ELAPOR2: variants seen among roughly 807,000 people sequenced by gnomAD.
The protein encoded by ELAPOR2 is endosome/lysosome-associated apoptosis and autophagy regulator family member 2.
ELAPOR2 carries 89 observed loss-of-function variants against 120.7 expected under a neutral mutation model. The observed-to-expected ratio is 0.74, with a 90% CI of 0.62 to 0.88. The LOEUF is 0.88. Among genes scored for constraint, ELAPOR2 ranks in the 40% least tolerant of loss-of-function variants. The pLI, the probability that ELAPOR2 is intolerant of heterozygous loss-of-function variation, is 0.00. For synonymous variants in ELAPOR2, 444 were observed against 444.9 expected (o/e 1.00, Z 0.03); for missense variants, 1,134 against 1,251.6 (o/e 0.91, Z 1.42).
Position 86,922,519 on chromosome 7 carries a change from C to T in ELAPOR2, c.1399+3009G>A, listed in dbSNP as rs1057328255. Among the ~76,000 whole-genome samples the T allele has an allele frequency of 2.6e-5, 4 of 151,740 alleles. No individual in the cohort carries two copies. The South Asian group carries it at 8.3e-4, about 31-fold the overall frequency. On this transcript the variant is annotated intron_variant, in intron 10 of 21. Transcript: ENST00000450689. ...TGTGATGTTTCTTTTCACTTTCTTT[C>T]AACGCATACATGTTTTTACATCACT... is the stretch of plus-strand genomic sequence containing the variant.
intron 19 of ELAPOR2, among the ~76,000 whole-genome samples, chr7:86,896,257 TC>T (rs1788433033): frequency 6.6e-6 from 1 of 152,110 alleles, no homozygotes; most frequent in South Asian, 2.1e-4. Context: ...TAAAACTTTA[TC>T]TCACTTTTAG....
At chr7:86,978,637 C>T (rs929753467) in intron 1 of ELAPOR2, among the ~76,000 whole-genome samples, 1 of 152,188 alleles carries the variant, frequency 6.6e-6, no homozygotes, top group African/African-American at 2.4e-5. Context: ...GAGGCAAGAA[C>T]TTGATTATCA....
chr7:87,024,197 A>G (rs961746807), intron 1 of ELAPOR2, among the ~76,000 whole-genome samples: 28 of 151,998 alleles, frequency 1.8e-4, no homozygotes, highest in Non-Finnish European at 5.9e-5. Flanking sequence ...ATTGGCTGTG[A>G]GTTTGTCGTA....
In ELAPOR2 at chr7:86,878,567, TGAG is replaced by T. The variant is rs1799257942; in HGVS notation, c.*1901_*1903del. 6.6e-6 allele frequency: 1 copy of T among 152,152 alleles called. No homozygotes were observed. Among genetic ancestry groups the T allele is most frequent in the African/African-American group, 2.4e-5 (1 of 41,458 alleles). 9.4% of individuals were successfully genotyped at this position (152,152 alleles called of 1,614,324 possible). ...CATACATATTGAACACAGTGGAAGA[TGAG>T]GAGAAAGGTGACAGGTGGCTGTGGA... is the stretch of plus-strand genomic sequence containing the variant. On this transcript the variant is annotated 3_prime_UTR_variant, in exon 22 of 22. Transcript: ENST00000450689.
In ELAPOR2 at chr7:86,913,097, C is replaced by G. The variant is rs371845138; in HGVS notation, c.1839G>C (p.Gln613His). ...SCRACALGSE[Q>H]SGSSCVPCPP... ...GGCAGGGGACACACGATGAACCCGA[C>G]TGTTCAGAACCGAGGGCACAGGCAC... Residue 613 changes from glutamine to histidine, a missense_variant, in exon 14 of 22, where the codon CAG (glutamine) becomes CAC (histidine). Physicochemically the swap from Gln to His is conservative, Grantham distance 24. Transcript: ENST00000450689. The G allele has an allele frequency of 1.2e-6, 2 of 1,613,936 alleles. No homozygotes were observed. The highest frequency in any genetic ancestry group is 2.7e-5 in the African/African-American group (2 of 74,912).
chr7:87,026,491 C>G (rs1794249231), intron 1 of ELAPOR2, among the ~76,000 whole-genome samples: 1 of 151,210 alleles, frequency 6.6e-6, no homozygotes, highest in African/African-American at 2.4e-5. Flanking sequence ...CATTCAGTGG[C>G]CATTTTAGGG....
At chr7:87,024,633 G>A (rs1482007402) in intron 1 of ELAPOR2, among the ~76,000 whole-genome samples, 1 of 152,116 alleles carries the variant, frequency 6.6e-6, no homozygotes, top group Non-Finnish European at 1.5e-5. Flanking sequence ...AGTTTCAGAA[G>A]GAATAGTACC....
chr7:86,934,351 T>C (rs1790469668), intron 8 of ELAPOR2, among the ~76,000 whole-genome samples: 1 of 152,066 alleles, frequency 6.6e-6, no homozygotes, highest in African/African-American at 2.4e-5. Flanking sequence ...GAGAATGCCT[T>C]ACTGTATACA....
intron 12 of ELAPOR2, among the ~76,000 whole-genome samples, chr7:86,917,815 A>C (rs1789634920): frequency 6.6e-6 from 1 of 152,186 alleles, no homozygotes; most frequent in Non-Finnish European, 1.5e-5. Flanking sequence ...GGGAAAAAAA[A>C]ACACAAAAAC....
At chr7:86,916,495 A>G (rs970253147) in intron 12 of ELAPOR2, among the ~76,000 whole-genome samples, 3 of 152,222 alleles carry the variant, frequency 2.0e-5, no homozygotes, top group Non-Finnish European at 4.4e-5. Context: ...AGGTTTGGAA[A>G]CAGAGGCTGG....
rs377171435 is a variant in ELAPOR2, at chr7:87,004,644, CT to C, written c.190-39621del. On this transcript the variant is annotated intron_variant, in intron 1 of 21. Coordinates refer to ENST00000450689, the MANE Select transcript of ELAPOR2 (RefSeq NM_001142749.3). ...GATTAGAGATAACAGCCAACCAACA[CT>C]TTTTTTCCTAACACTTACATACTAT... is the stretch of plus-strand genomic sequence containing the variant. Among the ~76,000 whole-genome samples the C allele has an allele frequency of 1.7e-3, 262 of 152,246 alleles. 2 individuals carry two copies. The highest frequency in any genetic ancestry group is 6.1e-3 in the African/African-American group (252 of 41,530).
chr7:86,970,538 A>T (rs1461857018), intron 1 of ELAPOR2, among the ~76,000 whole-genome samples: 8 of 152,182 alleles, frequency 5.3e-5, no homozygotes, highest in Admixed American at 5.2e-4. Context: ...AAAGGGAGAC[A>T]ACAAGAGATT....
At chr7:87,030,832 TTGA>T (rs75341277) in intron 1 of ELAPOR2, among the ~76,000 whole-genome samples, 2 of 152,244 alleles carry the variant, frequency 1.3e-5, no homozygotes, top group East Asian at 3.9e-4. Context: ...CCCCATGGTG[TTGA>T]TGAAGACATA....
intron 1 of ELAPOR2, among the ~76,000 whole-genome samples, chr7:86,985,229 C>T (rs4276613): frequency 0.38 from 57,465 of 151,892 alleles, 11,714 homozygotes; most frequent in African/African-American, 0.53. Flanking sequence ...AAGTTCAGGA[C>T]CAGATGGATT....
At chr7:86,976,848 C>A (rs1377019021) in intron 1 of ELAPOR2, among the ~76,000 whole-genome samples, 1 of 152,098 alleles carries the variant, frequency 6.6e-6, no homozygotes, top group African/African-American at 2.4e-5. Context: ...ATAACACCAC[C>A]AAAATGTCAC....
chr7:87,045,449 T>C (rs1335651588), intron 1 of ELAPOR2, among the ~76,000 whole-genome samples: 2 of 151,270 alleles, frequency 1.3e-5, no homozygotes, highest in African/African-American at 4.9e-5. Context: ...TGAGTTCGTG[T>C]CCTTTGTAGG....
At chr7:86,883,019 A>C (rs1249537557) in intron 21 of ELAPOR2, among the ~76,000 whole-genome samples, 1 of 127,302 alleles carries the variant, frequency 7.9e-6, no homozygotes, top group Admixed American at 7.5e-5. Flanking sequence ...GATCGTTTGA[A>C]AGGGGTGTGT....
chr7:86,992,377 G>C (rs909927005), intron 1 of ELAPOR2, among the ~76,000 whole-genome samples: 8 of 152,184 alleles, frequency 5.3e-5, no homozygotes, highest in Non-Finnish European at 1.2e-4. Context: ...GCTGTAGTGA[G>C]CTATGATCGT....
At chr7:86,951,011 A>C (rs1401938200) in intron 2 of ELAPOR2, among the ~76,000 whole-genome samples, 1 of 152,242 alleles carries the variant, frequency 6.6e-6, no homozygotes, top group Non-Finnish European at 1.5e-5. Flanking sequence ...TGGATCTTCT[A>C]GCAAACTCAG....
Sources: gnomAD v4.1 joint callset for allele counts (sites outside exome capture counted in the v4.1 genomes callset) on GRCh38, gnomAD v4.1.1 for gene constraint, MANE v1.5 for transcripts, NCBI Gene and HGNC (gene_info 2026-07-23, HGNC 2026-07-21) for gene names.